The following FPGS variants were observed in gnomAD, a reference collection of about 807,000 sequenced individuals.
FPGS encodes the protein folylpolyglutamate synthase, mitochondrial.
FPGS carries 53 observed loss-of-function variants against 66.5 expected under a neutral mutation model. That is an observed-to-expected ratio of 0.80 (90% CI 0.64 to 1.00). FPGS has a LOEUF of 1.00. Among genes scored for constraint, FPGS ranks in the 50% least tolerant of loss-of-function variants. The probability of loss-of-function intolerance (pLI) is 0.00; values close to 1 mark genes in which losing one functional copy is unlikely to be tolerated. For missense variants in FPGS, 702 were observed against 807.7 expected, an observed-to-expected ratio of 0.87 and a Z score of 1.59; for synonymous variants, 348 against 350.9, an observed-to-expected ratio of 0.99 and a Z score of 0.09.
At position 127,813,833 on chromosome 9, in the gene FPGS, C is replaced by T; in HGVS notation, c.*229C>T. ...GCAGAGGGGCTCCCCGGGTCTCTCA[C>T]TGTTGCAGTGGCCTGGCCGTTCAGC... On this transcript the variant is annotated 3_prime_UTR_variant, in exon 15 of 15. Coordinates refer to ENST00000373247, the MANE Select transcript of FPGS (RefSeq NM_004957.6). 8.0e-7 allele frequency: 1 copy of T among 1,256,772 alleles called. No individual in the cohort carries two copies. The highest frequency in any genetic ancestry group is 1.0e-6 in the Non-Finnish European group (1 of 1,004,202). 77.9% of individuals were successfully genotyped at this position (1,256,772 alleles called of 1,614,324 possible).
Position 127,807,483 on chromosome 9 carries a change from G to A in FPGS, c.641+1G>A. On this transcript the variant is annotated splice_donor_variant, in intron 7 of 14. Coordinates refer to ENST00000373247, the MANE Select transcript of FPGS (RefSeq NM_004957.6). LOFTEE classifies it high-confidence loss of function. The surrounding 1 kb of genome is among the most constrained non-coding windows in gnomAD (Gnocchi z 5.8). ...CTTATGACTGCACCAACATCATCAG[G>A]TGAGCGCAGTTGCTTGGGACGAGGG... 6.2e-7 allele frequency: 1 copy of A among 1,614,112 alleles called. No individual in the cohort carries two copies. Among genetic ancestry groups the A allele is most frequent in the Non-Finnish European group, 8.5e-7 (1 of 1,180,000 alleles).
chr9:127,803,297 G>A (rs1829679755), intron 1 of FPGS: 2 of 1,228,434 alleles, frequency 1.6e-6, no homozygotes, highest in East Asian at 3.3e-5. Context: ...GGGTTGGGAA[G>A]TGGGAAGTGG....
In FPGS at chr9:127,807,123, T is replaced by C. The variant is rs778149990; in HGVS notation, c.501+36T>C. The C allele has an allele frequency of 1.9e-6, 3 of 1,610,036 alleles. No individual in the cohort carries two copies. Among genetic ancestry groups the C allele is most frequent in the Non-Finnish European group, 2.6e-6 (3 of 1,176,450 alleles). ...CAGGAGGGCTGGCGGGTGGGTATGG[T>C]TGGGGGTGCTACGTGTTCCAGCACC... On this transcript the variant is annotated intron_variant, in intron 5 of 14. Transcript: ENST00000373247. The surrounding 1 kb of genome is among the most constrained non-coding windows in gnomAD (Gnocchi z 5.8).
rs565202583 is a variant in FPGS at position 127,811,185 on chromosome 9, T to A, written c.1354+174T>A. 5.5e-4 allele frequency among the ~76,000 whole-genome samples: 84 copies of A among 152,252 alleles called. 1 individual carries two copies. Among genetic ancestry groups the A allele is most frequent in the Admixed American group, 3.1e-3 (47 of 15,292 alleles). On this transcript the variant is annotated intron_variant, in intron 14 of 14. Coordinates refer to ENST00000373247, the MANE Select transcript of FPGS (RefSeq NM_004957.6). ...AAGTATACTTTATTTAATTTTATTT[T>A]AAAAAATTTTTGGCTGGCCACGGTG...
Position 127,807,806 on chromosome 9 carries a change from T to C in FPGS, c.744+118T>C, listed in dbSNP as rs141628617. ...GTCTCCTCTCCAGACTATTTCCCCATTGAAACGTGAGGGATGGCTGGGCAT... is the reference window on the plus strand; with the variant it reads ...GTCTCCTCTCCAGACTATTTCCCCACTGAAACGTGAGGGATGGCTGGGCAT... On this transcript the variant is annotated intron_variant, in intron 8 of 14. Coordinates refer to ENST00000373247, the MANE Select transcript of FPGS (RefSeq NM_004957.6). This position sits in a 1 kb window ranked among gnomAD's most constrained non-coding sequence, Gnocchi z 5.8. 3.9e-5 allele frequency: 26 copies of C among 670,882 alleles called. No homozygotes were observed. Among genetic ancestry groups the C allele is most frequent in the Non-Finnish European group, 5.8e-5 (23 of 398,966 alleles). 41.6% of individuals were successfully genotyped at this position (670,882 alleles called of 1,614,324 possible).
Position 127,810,036 on chromosome 9 carries a change from C to T in FPGS, c.1217C>T (p.Pro406Leu). 6.2e-7 allele frequency: 1 copy of T among 1,611,936 alleles called. No homozygotes were observed. The highest frequency in any genetic ancestry group is 8.5e-7 in the Non-Finnish European group (1 of 1,179,444). ...GCTCCTCACCTCTGTCGCAGTGGCC[C>T]CGAGGTTCGAGTCTTGCTCTTCAAT... ...LQGRERPSGG[P>L]EVRVLLFNAT... is the part of the protein sequence containing the mutation. The change falls in exon 13 of 15, where the codon CCC becomes CTC. Residue 406 changes from proline (P) to leucine (L), a missense_variant. Pro to Leu is a moderately conservative substitution (Grantham distance 98). Coordinates refer to ENST00000373247, the MANE Select transcript of FPGS (RefSeq NM_004957.6).
chr9:127,813,624 G>A lies in FPGS; in HGVS notation c.*20G>A. On this transcript the variant is annotated 3_prime_UTR_variant, in exon 15 of 15. Transcript: ENST00000373247. ...CAGTAGCCAAGGCCCGGGGTTGGAG[G>A]TGGGAGCTTCCCACACCTGCCTGCG... 1 of 1,503,434 alleles carries A rather than the reference G, an allele frequency of 6.7e-7. No individual in the cohort carries two copies. The highest frequency in any genetic ancestry group is 8.9e-7 in the Non-Finnish European group (1 of 1,125,634). 93.1% of individuals were successfully genotyped at this position (1,503,434 alleles called of 1,614,324 possible).
rs750453660 is a variant in FPGS at position 127,804,381 on chromosome 9, A to G, written c.235A>G (p.Met79Val). 8 of 1,614,100 alleles carry G rather than the reference A, an allele frequency of 5.0e-6. No individual in the cohort carries two copies. Among genetic ancestry groups the G allele is most frequent in the African/African-American group, 1.3e-5 (1 of 74,936 alleles). ...RGDPQTQLEAMELYLARSGLQ... is the reference protein window; with the variant it reads ...RGDPQTQLEAVELYLARSGLQ... ...TGACCCTCAGACACAGTTGGAAGCC[A>G]TGGAACTGTACCTGGCACGGAGTGG... The change falls in exon 2 of 15, where the codon ATG (methionine) becomes GTG (valine). Residue 79 changes from methionine (M) to valine (V), a missense_variant. Physicochemically the swap from Met to Val is conservative, Grantham distance 21. Around this residue, in one of 3 missense-constraint regions of FPGS, gnomAD observed 240 missense variants for 348.6 expected, o/e 0.69. Coordinates refer to ENST00000373247, the MANE Select transcript of FPGS (RefSeq NM_004957.6).
Position 127,813,381 on chromosome 9 carries a change from CCCT to C in FPGS, c.1543_1545del (p.Leu515del), listed in dbSNP as rs751417897. ...CCACCCCACACCTGCAGTGCCAGCT[CCCT>C]CGTCTTCAGCTGCATTTCACATGCC... On this transcript the variant is annotated inframe_deletion, in exon 15 of 15. Transcript: ENST00000373247. The C allele has an allele frequency of 1.9e-6, 3 of 1,611,136 alleles. No homozygotes were observed. The highest frequency in any genetic ancestry group is 2.5e-6 in the Non-Finnish European group (3 of 1,178,422).
downstream of FPGS, chr9:127,814,357 G>A (rs1830228206): frequency 5.5e-6 from 1 of 183,108 alleles, no homozygotes; most frequent in Non-Finnish European, 1.0e-5. Flanking sequence ...GTTTCAAGAA[G>A]CCATGGAGGC....
chr9:127,813,496 T>G lies in FPGS; in HGVS notation c.1656T>G (p.Ser552Arg). The change falls in exon 15 of 15, where the codon AGT (serine) becomes AGG (arginine). Residue 552 changes from serine (S) to arginine (R), a missense_variant. By Grantham distance (110) the Ser-to-Arg change is moderately radical. Around this residue, in one of 3 missense-constraint regions of FPGS, gnomAD observed 351 missense variants for 363.7 expected, o/e 0.97. Coordinates refer to ENST00000373247, the MANE Select transcript of FPGS (RefSeq NM_004957.6). ...TCCTCACCCACCCTGTGGCTCACAG[T>G]GGGGCCAGCATACTCCGTGAGGCTG... ...KGLLTHPVAH[S>R]GASILREAAA... 1 of 1,613,214 alleles carries G rather than the reference T, an allele frequency of 6.2e-7. No individual in the cohort carries two copies. The highest frequency in any genetic ancestry group is 8.5e-7 in the Non-Finnish European group (1 of 1,179,750).
At chr9:127,804,198 T>G in intron 1 of FPGS, 87 bp from the exon 2 acceptor site, 1 of 1,542,558 alleles carries the variant, frequency 6.5e-7, no homozygotes, top group Non-Finnish European at 8.8e-7. Context: ...CTTGTTGCCC[T>G]GGCTTGGCCA....
At position 127,804,418 on chromosome 9, in the gene FPGS, G is replaced by A; in HGVS notation, c.267+5G>A. The A allele has an allele frequency of 6.2e-7, 1 of 1,614,156 alleles. No individual in the cohort carries two copies. The highest frequency in any genetic ancestry group is 8.5e-7 in the Non-Finnish European group (1 of 1,180,004). On this transcript the variant is annotated splice_donor_5th_base_variant and intron_variant, in intron 2 of 14. Coordinates refer to ENST00000373247, the MANE Select transcript of FPGS (RefSeq NM_004957.6). Reference sequence around the variant, plus strand: ...CTGGCACGGAGTGGGCTGCAGGTAAGGTAGAGAGGGCCTGTGACCACCTCC... The same window carrying A: ...CTGGCACGGAGTGGGCTGCAGGTAAAGTAGAGAGGGCCTGTGACCACCTCC...
chr9:127,813,909 T>C lies in FPGS; in HGVS notation c.*305T>C. ...CTCCTGGCTCAGGCCCAGCTTATTG[T>C]GTGCGCTGCCTGGCCAGGCCCTGGG... On this transcript the variant is annotated 3_prime_UTR_variant, in exon 15 of 15. Transcript: ENST00000373247. 1.7e-6 allele frequency: 2 copies of C among 1,162,318 alleles called. No homozygotes were observed. Among genetic ancestry groups the C allele is most frequent in the Non-Finnish European group, 2.1e-6 (2 of 943,862 alleles). 72.0% of individuals were successfully genotyped at this position (1,162,318 alleles called of 1,614,324 possible).
intron 11 of FPGS, 136 bp from the exon 12 acceptor site, chr9:127,809,548 G>A (rs1211177788): frequency 1.3e-6 from 1 of 779,464 alleles, no homozygotes; most frequent in Non-Finnish European, 1.9e-6. Flanking sequence ...CTAGTAAAAA[G>A]TTCCTGGGCT....
Position 127,809,828 on chromosome 9 carries a change from C to A in FPGS, c.1205C>A (p.Pro402Gln). 7.4e-7 allele frequency: 1 copy of A among 1,352,398 alleles called. No homozygotes were observed. The highest frequency in any genetic ancestry group is 9.7e-7 in the Non-Finnish European group (1 of 1,030,350). 83.8% of individuals were successfully genotyped at this position (1,352,398 alleles called of 1,614,324 possible). Residue 402 changes from proline (P) to glutamine (Q), a missense_variant, in exon 12 of 15, where the codon CCG becomes CAG. By Grantham distance (76) the Pro-to-Gln change is moderately conservative. This residue lies in a region of FPGS where 351 missense variants were observed against 363.7 expected (regional missense o/e 0.97). Coordinates refer to ENST00000373247, the MANE Select transcript of FPGS (RefSeq NM_004957.6). ...FRQALQGRER[P>Q]SGGPEVRVLL... The stretch of plus-strand genomic sequence containing the variant: ...CAGGCGCTGCAGGGCCGCGAGAGGC[C>A]GAGCGGGTGAGGGGCAGGGCTGGGG...
chr9:127,811,424 G>A (rs1191077094), intron 14 of FPGS, among the ~76,000 whole-genome samples: 8 of 152,018 alleles, frequency 5.3e-5, no homozygotes, highest in Admixed American at 4.6e-4. Flanking sequence ...GGAGCTGGCA[G>A]TGAGCCGAGA....
intron 4 of FPGS, chr9:127,804,956 T>C (rs1829752893): frequency 2.3e-6 from 1 of 438,296 alleles, no homozygotes; most frequent in Non-Finnish European, 4.1e-6. Context: ...TGGCACGATC[T>C]TGGCTCACTG....
Position 127,803,014 on chromosome 9 carries a change from G to GGGCTTGAGCGCGT in FPGS, c.94_106dup (p.Pro36LeufsTer40). 4 of 1,465,830 alleles carry GGGCTTGAGCGCGT rather than the reference G, an allele frequency of 2.7e-6. No individual in the cohort carries two copies. Among genetic ancestry groups the GGGCTTGAGCGCGT allele is most frequent in the South Asian group, 1.3e-5 (1 of 75,666 alleles). 90.8% of individuals were successfully genotyped at this position (1,465,830 alleles called of 1,614,324 possible). A position where few individuals can be genotyped will look rare whatever the true frequency, so the allele number is the denominator to read the frequency against. On this transcript the variant is annotated frameshift_variant, in exon 1 of 15. Transcript: ENST00000373247. LOFTEE classifies it high-confidence loss of function. ...TAACGACCCAGGTCGCGGCGCGGCG[G>GGGCTTGAGCGCGT]GGCTTGAGCGCGTGGCCGGTGCCGC...
Sources: gnomAD v4.1 joint callset for allele counts (sites outside exome capture counted in the v4.1 genomes callset) on GRCh38, gnomAD v4.1.1 for gene constraint, gnomAD v4.1.1 regional missense constraint, Gnocchi (gnomAD v3.1) non-coding constraint, MANE v1.5 for transcripts, NCBI Gene and HGNC (gene_info 2026-07-23, HGNC 2026-07-21) for gene names.